FHOD3: variants seen among roughly 807,000 people sequenced by gnomAD.
FHOD3 encodes FH1/FH2 domain-containing protein 3.
FHOD3 carries 90 observed loss-of-function variants against 173.0 expected under a neutral mutation model. That is an observed-to-expected ratio of 0.52 (90% CI 0.44 to 0.62). The LOEUF (loss-of-function observed/expected upper bound fraction) is 0.62, where lower values mean the gene tolerates loss of function less well. Among genes scored for constraint, FHOD3 ranks in the 20% least tolerant of loss-of-function variants. FHOD3 has a pLI of 0.00. For missense variants in FHOD3, 1,945 were observed against 2,034.7 expected, an observed-to-expected ratio of 0.96 and a Z score of 0.85; for synonymous variants, 828 against 823.0, an observed-to-expected ratio of 1.01 and a Z score of -0.10.
At chr18:36,736,879 TG>T (rs2041661521) in intron 20 of FHOD3, among the ~76,000 whole-genome samples, 1 of 152,272 alleles carries the variant, frequency 6.6e-6, no homozygotes, top group South Asian at 2.1e-4. Context: ...AGAATTTCTC[TG>T]CTTCCTATCC....
rs183213550 is a variant in FHOD3 at position 36,482,941 on chromosome 18, A to T, written c.338-18991A>T. On this transcript the variant is annotated intron_variant, in intron 3 of 28. Coordinates refer to ENST00000590592, the MANE Select transcript of FHOD3 (RefSeq NM_001281740.3). ...CTGCCAGGTTTACAATGCATGACTCAACTGCAGTTAAAAATGATAGCCAAG... is the reference window on the plus strand; with the variant it reads ...CTGCCAGGTTTACAATGCATGACTCTACTGCAGTTAAAAATGATAGCCAAG... Among the ~76,000 whole-genome samples the T allele has an allele frequency of 5.2e-4, 79 of 152,036 alleles. No individual in the cohort carries two copies. In the East Asian group the frequency reaches 0.015, roughly 29 times the overall value.
chr18:36,407,372 C>T (rs560514525), intron 3 of FHOD3, among the ~76,000 whole-genome samples: 31 of 152,336 alleles, frequency 2.0e-4, no homozygotes, highest in Admixed American at 9.2e-4. Flanking sequence ...CAACATGCTC[C>T]CTGCTGTCTG....
At position 36,346,190 on chromosome 18, in the gene FHOD3, G is replaced by T. The variant is rs2045872343; in HGVS notation, c.166-9349G>T. ...AGACCAGCCTGGGCAACATGGCGAG[G>T]CCTTGTTTTTACTAAAAGTTAAAAA... On this transcript the variant is annotated intron_variant, in intron 1 of 28. Coordinates refer to ENST00000590592, the MANE Select transcript of FHOD3 (RefSeq NM_001281740.3). Among the ~76,000 whole-genome samples the T allele has an allele frequency of 2.0e-5, 3 of 152,070 alleles. No individual in the cohort carries two copies. In the South Asian group the frequency reaches 6.2e-4, roughly 31 times the overall value.
chr18:36,375,050 T>C (rs911897203), intron 3 of FHOD3, among the ~76,000 whole-genome samples: 1 of 152,226 alleles, frequency 6.6e-6, no homozygotes, highest in Non-Finnish European at 1.5e-5. Flanking sequence ...AATAGGTTTA[T>C]TAGCACTAAA....
chr18:36,542,846 T>C (rs912975239), intron 5 of FHOD3, among the ~76,000 whole-genome samples: 3 of 152,020 alleles, frequency 2.0e-5, no homozygotes, highest in Admixed American at 2.0e-4. Context: ...CAAAAAAAAA[T>C]GACGAAGGGA....
chr18:36,307,500 A>G (rs148867939), intron 1 of FHOD3, among the ~76,000 whole-genome samples: 5 of 152,324 alleles, frequency 3.3e-5, no homozygotes, highest in Non-Finnish European at 7.3e-5. Flanking sequence ...CACACCTGTT[A>G]CCTTCCCCTG....
In FHOD3 at chr18:36,566,912, T is replaced by C. The variant is rs553788727; in HGVS notation, c.512-9539T>C. 2.6e-5 allele frequency among the ~76,000 whole-genome samples: 4 copies of C among 152,346 alleles called. No homozygotes were observed. In the South Asian group the frequency reaches 6.2e-4, roughly 24 times the overall value. On this transcript the variant is annotated intron_variant, in intron 5 of 28. Transcript: ENST00000590592. ...TATAAAATGAAAATAAGAACAATAT[T>C]TCCCTTAATAAGTGCAGTGTACTGC...
At chr18:36,576,372 C>A (rs1486267621) in intron 5 of FHOD3, 79 bp from the exon 6 acceptor site, 8 of 996,442 alleles carry the variant, frequency 8.0e-6, no homozygotes, top group Middle Eastern at 4.5e-4. Flanking sequence ...GTATGAAAAT[C>A]TTGATCAGCA....
intron 5 of FHOD3, among the ~76,000 whole-genome samples, chr18:36,558,227 A>G (rs921218938): frequency 6.6e-6 from 1 of 151,968 alleles, no homozygotes; most frequent in African/African-American, 2.4e-5. Context: ...AGGTCTCCCA[A>G]CTTGGAGGTT....
intron 19 of FHOD3, among the ~76,000 whole-genome samples, chr18:36,727,424 A>G (rs2041134577): frequency 6.6e-6 from 1 of 152,188 alleles, no homozygotes; most frequent in Admixed American, 6.5e-5. Context: ...TTGAGTGTTT[A>G]GTAGCATCTG....
At chr18:36,734,477 G>A (rs568510757) in intron 20 of FHOD3, among the ~76,000 whole-genome samples, 1 of 152,226 alleles carries the variant, frequency 6.6e-6, no homozygotes, top group African/African-American at 2.4e-5. Flanking sequence ...GGCTGCCTGT[G>A]TGAATCCAGA....
rs147594167 is a variant in FHOD3, at chr18:36,675,258, C to A, written c.1836-6178C>A. Among the ~76,000 whole-genome samples, 16 of 152,286 alleles carry A rather than the reference C, an allele frequency of 1.1e-4. 1 individual carries two copies. Among genetic ancestry groups the A allele is most frequent in the Middle Eastern group, 3.4e-3 (1 of 294 alleles). ...AGCTGTGTCCTCTGATGCTCTGCCA[C>A]TCACATGTCTCAGTCCCTTTCCACG... On this transcript the variant is annotated intron_variant, in intron 14 of 28. Coordinates refer to ENST00000590592, the MANE Select transcript of FHOD3 (RefSeq NM_001281740.3).
At chr18:36,720,230 C>G (rs1398554968) in intron 19 of FHOD3, among the ~76,000 whole-genome samples, 1 of 136,654 alleles carries the variant, frequency 7.3e-6, no homozygotes, top group African/African-American at 2.8e-5. Flanking sequence ...ATGCCCCGTT[C>G]CAATTCTTTT....
intron 27 of FHOD3, among the ~76,000 whole-genome samples, chr18:36,767,160 A>G (rs2043174516): frequency 6.6e-6 from 1 of 152,190 alleles, no homozygotes; most frequent in Non-Finnish European, 1.5e-5. Context: ...TCTATTTTTT[A>G]AAGGATTTAT....
intron 11 of FHOD3, 89 bp downstream of exon 11, chr18:36,649,494 C>A: frequency 1.0e-6 from 1 of 978,750 alleles, no homozygotes; most frequent in Non-Finnish European, 1.5e-6. Context: ...GGCCACCTCC[C>A]TTCCTCATTG....
intron 9 of FHOD3, among the ~76,000 whole-genome samples, chr18:36,617,059 T>C (rs1380038493): frequency 6.6e-6 from 1 of 152,226 alleles, no homozygotes; most frequent in Non-Finnish European, 1.5e-5. Flanking sequence ...CAGAGAGTCA[T>C]GGCTCACAAA....
At chr18:36,433,798 T>C (rs1288667936) in intron 3 of FHOD3, among the ~76,000 whole-genome samples, 20 of 152,196 alleles carry the variant, frequency 1.3e-4, no homozygotes, top group Admixed American at 1.2e-3. Flanking sequence ...TCCTGTGTTT[T>C]AGAAATAGGT....
At chr18:36,646,205 C>G (rs536158310) in intron 10 of FHOD3, among the ~76,000 whole-genome samples, 2 of 152,134 alleles carry the variant, frequency 1.3e-5, no homozygotes, top group South Asian at 4.1e-4. Flanking sequence ...AGAAAAATTG[C>G]TGGATACAAG....
At chr18:36,385,956 A>C (rs1598921596) in intron 3 of FHOD3, among the ~76,000 whole-genome samples, 1 of 152,232 alleles carries the variant, frequency 6.6e-6, no homozygotes, top group East Asian at 1.9e-4. Flanking sequence ...AAAACACCAC[A>C]ACATGACACC....
Sources: allele counts gnomAD v4.1 joint callset (sites outside exome capture counted in the v4.1 genomes callset), GRCh38; gene constraint gnomAD v4.1.1; transcripts MANE v1.5; gene names NCBI Gene and HGNC (gene_info 2026-07-23, HGNC 2026-07-21).